Variants in TLK2 observed in about 807,000 individuals in gnomAD.
TLK2 encodes tousled like kinase 2, also known as serine/threonine-protein kinase tousled-like 2.
TLK2 carries 6 observed loss-of-function variants against 117.3 expected under a neutral mutation model. The ratio of observed to expected loss-of-function variants is 0.05; its 90% CI spans 0.03 to 0.10. The LOEUF is 0.10. TLK2 is among the 10% of genes least tolerant of loss of function. TLK2 has a pLI of 1.00. For synonymous variants in TLK2, 257 were observed against 316.7 expected, an observed-to-expected ratio of 0.81 and a Z score of 2.00; for missense variants, 299 against 901.2, an observed-to-expected ratio of 0.33 and a Z score of 8.56.
chr17:62,612,354 A>T (rs1264206525), intron 21 of TLK2, 38 bp from the exon 22 acceptor site: 7 of 1,596,938 alleles, frequency 4.4e-6, no homozygotes, highest in Non-Finnish European at 6.0e-6. Context: ...GGGTGCCAAG[A>T]CTATCTGCCT....
rs368669251 is a variant in TLK2, at chr17:62,593,520, A to G, written c.1461-3065A>G. Among the ~76,000 whole-genome samples, 17 of 152,034 alleles carry G rather than the reference A, an allele frequency of 1.1e-4. 1 individual carries two copies. The highest frequency in any genetic ancestry group is 9.8e-4 in the Admixed American group (15 of 15,286). ...ATCCTTATTCTATAAGCTTTTTTCT[A>G]TTACAATTTTTTTTTATTTTTAAAC... On this transcript the variant is annotated intron_variant, in intron 16 of 21. Coordinates refer to ENST00000346027, the MANE Select transcript of TLK2 (RefSeq NM_006852.6).
chr17:62,530,457 A>T (rs1439033887), intron 6 of TLK2, among the ~76,000 whole-genome samples: 1 of 152,064 alleles, frequency 6.6e-6, no homozygotes, highest in African/African-American at 2.4e-5. Context: ...ATAGAGTGAG[A>T]CCCTGTCTCA....
At chr17:62,480,057 A>G (rs1189417041) in intron 1 of TLK2, among the ~76,000 whole-genome samples, 1 of 152,078 alleles carries the variant, frequency 6.6e-6, no homozygotes, top group African/African-American at 2.4e-5. Flanking sequence ...TTAATTTGTC[A>G]CCTTTTCATT....
chr17:62,610,640 C>T (rs187399277), intron 21 of TLK2, among the ~76,000 whole-genome samples: 22 of 152,180 alleles, frequency 1.4e-4, no homozygotes, highest in African/African-American at 5.3e-4. Context: ...GCCGTTAGAT[C>T]TGCAGGGGAA....
intron 9 of TLK2, among the ~76,000 whole-genome samples, chr17:62,558,254 C>T (rs1399616691): frequency 2.0e-5 from 3 of 151,958 alleles, no homozygotes; most frequent in Non-Finnish European, 4.4e-5. Flanking sequence ...ACTGCAGCCT[C>T]GACCTCCCAG....
intron 2 of TLK2, among the ~76,000 whole-genome samples, chr17:62,488,053 C>T (rs2144604473): frequency 6.6e-6 from 1 of 152,228 alleles, no homozygotes; most frequent in East Asian, 1.9e-4. Context: ...GATTCTGCTG[C>T]CTCAGCCTCC....
At chr17:62,553,915 G>T (rs1360437883) in intron 9 of TLK2, among the ~76,000 whole-genome samples, 160 bp downstream of exon 9, 2 of 152,264 alleles carry the variant, frequency 1.3e-5, no homozygotes, top group Non-Finnish European at 2.9e-5. Context: ...TAGGAACCAG[G>T]TTCCTGCATT....
intron 6 of TLK2, among the ~76,000 whole-genome samples, chr17:62,532,624 A>G (rs2076821949): frequency 6.6e-6 from 1 of 152,234 alleles, no homozygotes; most frequent in Non-Finnish European, 1.5e-5. Flanking sequence ...TGAAATAGAA[A>G]GTTCCCTCCA....
chr17:62,591,286 C>T (rs73333625), intron 16 of TLK2, among the ~76,000 whole-genome samples: 13 of 152,006 alleles, frequency 8.6e-5, no homozygotes, highest in African/African-American at 2.9e-4. Flanking sequence ...TGTTTCTAGC[C>T]CTTCTGTAAA....
At chr17:62,502,103 AGACATTAG>A (rs1177746428) in intron 2 of TLK2, among the ~76,000 whole-genome samples, 4 of 151,402 alleles carry the variant, frequency 2.6e-5, no homozygotes, top group Non-Finnish European at 5.9e-5. Flanking sequence ...AACCAGACCA[AGACATTAG>A]GAAAAAAGAA....
intron 2 of TLK2, among the ~76,000 whole-genome samples, chr17:62,507,888 A>C (rs1417437314): frequency 6.6e-6 from 1 of 151,972 alleles, no homozygotes; most frequent in Non-Finnish European, 1.5e-5. Context: ...AGTACATTTT[A>C]AGTATATTAG....
In TLK2 at chr17:62,591,468, G is replaced by A. The variant is rs936892386; in HGVS notation, c.1461-5117G>A. Among the ~76,000 whole-genome samples the A allele has an allele frequency of 5.3e-5, 8 of 152,082 alleles. 1 individual carries two copies. The East Asian group carries it at 1.3e-3, about 26-fold the overall frequency. ...CTCACTTCAAAACATCCAGTCCAGT[G>A]GTGCCGAAACCGAAGCTCAGAGAGG... On this transcript the variant is annotated intron_variant, in intron 16 of 21. Coordinates refer to ENST00000346027, the MANE Select transcript of TLK2 (RefSeq NM_006852.6).
intron 2 of TLK2, among the ~76,000 whole-genome samples, chr17:62,505,545 A>G (rs1175526604): frequency 2.6e-5 from 4 of 151,342 alleles, no homozygotes; most frequent in Non-Finnish European, 2.9e-5. Flanking sequence ...GAGCCACCAC[A>G]TGCAGCTCAA....
At chr17:62,523,317 G>T in intron 5 of TLK2, 140 bp downstream of exon 5, 1 of 1,197,790 alleles carries the variant, frequency 8.3e-7, no homozygotes, top group South Asian at 1.7e-5. Context: ...GGTGGCTTAT[G>T]CTTGTAATCC....
At chr17:62,501,055 G>A (rs2074148209) in intron 2 of TLK2, among the ~76,000 whole-genome samples, 1 of 151,918 alleles carries the variant, frequency 6.6e-6, no homozygotes, top group African/African-American at 2.4e-5. Flanking sequence ...TGGCTAACGC[G>A]GTGAAACCCC....
chr17:62,555,853 C>T (rs1390014912), intron 9 of TLK2, among the ~76,000 whole-genome samples: 1 of 152,156 alleles, frequency 6.6e-6, no homozygotes, highest in Non-Finnish European at 1.5e-5. Context: ...GTGGCGCAGT[C>T]TTGCAAGCTG....
intron 2 of TLK2, among the ~76,000 whole-genome samples, chr17:62,490,326 A>G (rs1288137337): frequency 6.6e-6 from 1 of 152,086 alleles, no homozygotes; most frequent in Admixed American, 6.6e-5. Context: ...CCACTTGATT[A>G]ATTTTCTCTT....
intron 7 of TLK2, among the ~76,000 whole-genome samples, chr17:62,537,053 G>C (rs2465415): frequency 0.27 from 41,718 of 152,056 alleles, 6,571 homozygotes; most frequent in Admixed American, 0.37. Context: ...AGAAAGCCCC[G>C]TCGCCGTATT....
chr17:62,589,827 GAC>G (rs1478415342), intron 16 of TLK2, among the ~76,000 whole-genome samples: 1 of 151,812 alleles, frequency 6.6e-6, no homozygotes, highest in Non-Finnish European at 1.5e-5. Flanking sequence ...GTTTTTTTGA[GAC>G]AGAGTCTCAC....
Sources: gnomAD v4.1 joint callset for allele counts (sites outside exome capture counted in the v4.1 genomes callset) on GRCh38, gnomAD v4.1.1 for gene constraint, MANE v1.5 for transcripts, NCBI Gene and HGNC (gene_info 2026-07-23, HGNC 2026-07-21) for gene names.